Variants in ZNF277 observed in about 807,000 individuals in gnomAD.
ZNF277 encodes the protein nuclear receptor-interacting factor 4.
Under a neutral mutation model 60.7 loss-of-function variants are expected in ZNF277, and 55 were observed. That is an observed-to-expected ratio of 0.91 (90% CI 0.73 to 1.13). ZNF277 has a LOEUF of 1.13. ZNF277 is among the 50% of genes most tolerant of loss of function. ZNF277 has a pLI of 0.00. For synonymous variants in ZNF277, 178 were observed against 179.3 expected (o/e 0.99, Z 0.06); for missense variants, 510 against 523.0 (o/e 0.98, Z 0.24).
chr7:112,260,414 A>G (rs1791416555), intron 1 of ZNF277, among the ~76,000 whole-genome samples: 1 of 152,232 alleles, frequency 6.6e-6, no homozygotes, highest in Admixed American at 6.5e-5. Flanking sequence ...AATGAGTATC[A>G]TATTATAAAT....
chr7:112,330,262 A>C, intron 7 of ZNF277, 46 bp downstream of exon 7: 1 of 1,593,656 alleles, frequency 6.3e-7, no homozygotes, highest in Non-Finnish European at 8.5e-7. Flanking sequence ...CAGTACTGCA[A>C]ACAAAATCTT....
At chr7:112,262,177 C>A (rs1169472546) in intron 1 of ZNF277, among the ~76,000 whole-genome samples, 1 of 149,700 alleles carries the variant, frequency 6.7e-6, no homozygotes, top group African/African-American at 2.5e-5. Flanking sequence ...TCTAGTTTCG[C>A]AGCCTCAATA....
intron 1 of ZNF277, among the ~76,000 whole-genome samples, chr7:112,232,908 T>C (rs1348637958): frequency 2.0e-5 from 3 of 152,160 alleles, no homozygotes; most frequent in Non-Finnish European, 4.4e-5. Flanking sequence ...TTCTGACCTA[T>C]CTAACCCTAA....
At chr7:112,292,106 G>C (rs879501247) in intron 2 of ZNF277, among the ~76,000 whole-genome samples, 6 of 152,146 alleles carry the variant, frequency 3.9e-5, no homozygotes, top group Admixed American at 6.6e-5. Flanking sequence ...ATGATTCTAA[G>C]TTAATTGATG....
chr7:112,250,672 C>T (rs1158237937), intron 1 of ZNF277, among the ~76,000 whole-genome samples: 2 of 152,060 alleles, frequency 1.3e-5, no homozygotes, highest in Admixed American at 6.6e-5. Context: ...GCAGGTTCCC[C>T]GATAGTTGAG....
intron 7 of ZNF277, among the ~76,000 whole-genome samples, chr7:112,334,532 A>G (rs1793293507): frequency 6.6e-6 from 1 of 152,104 alleles, no homozygotes; most frequent in Non-Finnish European, 1.5e-5. Context: ...TATACTGATA[A>G]ACATGTACAT....
intron 4 of ZNF277, among the ~76,000 whole-genome samples, chr7:112,308,474 A>G (rs1010494992): frequency 2.0e-5 from 3 of 151,996 alleles, no homozygotes; most frequent in African/African-American, 7.2e-5. Flanking sequence ...TCGAGATCAT[A>G]CCACTGCACT....
At chr7:112,310,965 A>G (rs1349049034) in intron 4 of ZNF277, among the ~76,000 whole-genome samples, 2 of 152,170 alleles carry the variant, frequency 1.3e-5, no homozygotes, top group African/African-American at 4.8e-5. Flanking sequence ...ATAGCTAATA[A>G]CATCCATCTT....
At position 112,296,908 on chromosome 7, in the gene ZNF277, ATTTATTTTTTTTTTTTTTTTTTTT is replaced by A. The variant is rs1792357842; in HGVS notation, c.465+601_465+624del. Among the ~76,000 whole-genome samples the A allele has an allele frequency of 1.1e-4, 4 of 37,186 alleles. No homozygotes were observed. In the East Asian group the frequency reaches 3.5e-3, roughly 33 times the overall value. 24.4% of individuals were successfully genotyped at this position (37,186 alleles called of 152,430 possible). A position where few individuals can be genotyped will look rare whatever the true frequency, so the allele number is the denominator to read the frequency against. On this transcript the variant is annotated intron_variant, in intron 4 of 11. Transcript: ENST00000361822. ...TTTTATTTTATTTATTTATTTATTT[ATTTATTTTTTTTTTTTTTTTTTTT>A]TTTTTTTTTTTTTGAGATGGAGTCT...
At chr7:112,286,842 T>TTTTTTTTTC (rs1554490965) in intron 1 of ZNF277, 31 bp from the exon 2 acceptor site, 6 of 68,666 alleles carry the variant, frequency 8.7e-5, no homozygotes, top group African/African-American at 5.5e-4. Context: ...TCTTTCTTTC[T>TTTTTTTTTC]TTTTTTTTTT....
rs117808839 is a variant in ZNF277 at position 112,260,486 on chromosome 7, C to A, written c.92-26387C>A. On this transcript the variant is annotated intron_variant, in intron 1 of 11. Transcript: ENST00000361822. Reference sequence around the variant, plus strand: ...TGAGTATTTTCCCATACTACTCAATCTCTCAAAACACATTTTAATGACTTG... The same window carrying A: ...TGAGTATTTTCCCATACTACTCAATATCTCAAAACACATTTTAATGACTTG... 9.0e-4 allele frequency among the ~76,000 whole-genome samples: 137 copies of A among 152,306 alleles called. 3 individuals are homozygous for A. The East Asian group carries it at 0.024, about 27-fold the overall frequency.
intron 1 of ZNF277, among the ~76,000 whole-genome samples, chr7:112,282,333 A>G: frequency 6.6e-6 from 1 of 152,274 alleles, no homozygotes; most frequent in South Asian, 2.1e-4. Flanking sequence ...ATAAGACACC[A>G]GTCTGTGCTG....
At chr7:112,276,286 T>G (rs997632824) in intron 1 of ZNF277, among the ~76,000 whole-genome samples, 4 of 152,242 alleles carry the variant, frequency 2.6e-5, no homozygotes, top group Admixed American at 2.6e-4. Context: ...TGTTAATAGC[T>G]TTAATATTTT....
At chr7:112,305,970 C>T (rs1267764562) in intron 4 of ZNF277, among the ~76,000 whole-genome samples, 1 of 152,106 alleles carries the variant, frequency 6.6e-6, no homozygotes, top group Non-Finnish European at 1.5e-5. Context: ...ATAAATAAGT[C>T]ACTTCAAAAG....
chr7:112,295,694 A>G (rs1792308088), intron 2 of ZNF277, among the ~76,000 whole-genome samples, 175 bp from the exon 3 acceptor site: 1 of 152,106 alleles, frequency 6.6e-6, no homozygotes, highest in African/African-American at 2.4e-5. Flanking sequence ...TTTATTTGAT[A>G]CTTCTATAAT....
At chr7:112,303,132 G>C (rs1332099798) in intron 4 of ZNF277, among the ~76,000 whole-genome samples, 1 of 151,686 alleles carries the variant, frequency 6.6e-6, no homozygotes, top group Non-Finnish European at 1.5e-5. Context: ...TATATTTTTA[G>C]TAGAGACAGG....
chr7:112,318,046 A>G, intron 4 of ZNF277, 136 bp from the exon 5 acceptor site: 1 of 644,654 alleles, frequency 1.6e-6, no homozygotes, highest in Non-Finnish European at 2.7e-6. Flanking sequence ...ACAGGAATGG[A>G]GAAATTTGAA....
chr7:112,309,173 A>C (rs1417598925), intron 4 of ZNF277, among the ~76,000 whole-genome samples: 1 of 151,956 alleles, frequency 6.6e-6, no homozygotes, highest in African/African-American at 2.4e-5. Flanking sequence ...TCTGAACCCC[A>C]TCGCTGACTA....
chr7:112,316,316 T>C (rs982838163), intron 4 of ZNF277, among the ~76,000 whole-genome samples: 1 of 151,894 alleles, frequency 6.6e-6, no homozygotes, highest in Non-Finnish European at 1.5e-5. Context: ...TTTTGAAGGG[T>C]TTGTTGGTTT....
Sources: allele counts gnomAD v4.1 joint callset (sites outside exome capture counted in the v4.1 genomes callset), GRCh38; gene constraint gnomAD v4.1.1; transcripts MANE v1.5; gene names NCBI Gene and HGNC (gene_info 2026-07-23, HGNC 2026-07-21).